SCFD2: variants seen among roughly 807,000 people sequenced by gnomAD.
SCFD2 encodes the protein sec1 family domain-containing protein 2.
SCFD2 carries 54 observed loss-of-function variants against 58.9 expected under a neutral mutation model. The observed-to-expected ratio is 0.92, with a 90% CI of 0.74 to 1.15. The LOEUF (loss-of-function observed/expected upper bound fraction) is 1.15. Among genes scored for constraint, SCFD2 ranks in the 50% most tolerant of loss-of-function variants. The pLI is 0.00. For missense variants in SCFD2, 805 were observed against 836.6 expected, an observed-to-expected ratio of 0.96 and a Z score of 0.47; for synonymous variants, 321 against 335.9, an observed-to-expected ratio of 0.96 and a Z score of 0.49.
chr4:53,158,024 G>GA (rs1726741143), intron 4 of SCFD2, among the ~76,000 whole-genome samples: 1 of 152,192 alleles, frequency 6.6e-6, no homozygotes, highest in Non-Finnish European at 1.5e-5. Flanking sequence ...CTTCCAGGTT[G>GA]ATGTCAATGC....
chr4:52,952,462 C>A (rs926841903), intron 5 of SCFD2, among the ~76,000 whole-genome samples: 1 of 152,102 alleles, frequency 6.6e-6, no homozygotes, highest in Non-Finnish European at 1.5e-5. Flanking sequence ...AGGCTGACAG[C>A]TCCTGAGAGA....
chr4:53,180,124 T>C (rs1021436298), intron 4 of SCFD2, among the ~76,000 whole-genome samples: 14 of 152,300 alleles, frequency 9.2e-5, no homozygotes, highest in African/African-American at 3.4e-4. Flanking sequence ...TACCCAGGAA[T>C]TGAACTCAGC....
chr4:53,361,453 A>G (rs1325354898), intron 1 of SCFD2, among the ~76,000 whole-genome samples: 3 of 152,210 alleles, frequency 2.0e-5, no homozygotes, highest in African/African-American at 7.2e-5. Context: ...CTGGAGTGCA[A>G]TGGCACGATC....
chr4:53,210,134 C>G (rs987106970), intron 4 of SCFD2, among the ~76,000 whole-genome samples: 19 of 152,052 alleles, frequency 1.2e-4, no homozygotes, highest in Admixed American at 5.2e-4. Flanking sequence ...AAAGAACCCT[C>G]CCATAATAGA....
At chr4:53,307,871 G>C (rs1313273420) in intron 3 of SCFD2, among the ~76,000 whole-genome samples, 2 of 152,088 alleles carry the variant, frequency 1.3e-5, no homozygotes, top group Non-Finnish European at 2.9e-5. Context: ...CTGTTGGCAA[G>C]ATACTCACAA....
chr4:53,247,435 C>T (rs1376568972), intron 4 of SCFD2, among the ~76,000 whole-genome samples: 2 of 152,168 alleles, frequency 1.3e-5, no homozygotes, highest in South Asian at 2.1e-4. Context: ...AAAACACATG[C>T]ACATGTATGT....
At chr4:53,033,957 A>G (rs1722689930) in intron 5 of SCFD2, among the ~76,000 whole-genome samples, 1 of 152,194 alleles carries the variant, frequency 6.6e-6, no homozygotes, top group Non-Finnish European at 1.5e-5. Flanking sequence ...TCCCTAACTC[A>G]TTTTATGAGG....
intron 4 of SCFD2, among the ~76,000 whole-genome samples, chr4:53,249,545 CA>C (rs1161502900): frequency 1.3e-5 from 2 of 152,142 alleles, no homozygotes; most frequent in African/African-American, 2.4e-5. Flanking sequence ...ATGTTAAGGG[CA>C]GCCAGAGAGA....
intron 7 of SCFD2, among the ~76,000 whole-genome samples, chr4:52,907,186 T>C (rs1719366347): frequency 6.6e-6 from 1 of 152,234 alleles, no homozygotes; most frequent in Admixed American, 6.5e-5. Context: ...GAGTTTTCAA[T>C]AGTGCTGTCC....
chr4:53,166,197 T>C lies in SCFD2; in HGVS notation c.1312-20615A>G, dbSNP rs1230682606. On this transcript the variant is annotated intron_variant, in intron 4 of 8. Coordinates refer to ENST00000401642, the MANE Select transcript of SCFD2 (RefSeq NM_152540.4). Reference sequence around the variant, plus strand: ...TGTCAATGAATATTTAAATTGTCTCTACTTTTCAGATATCGTGAATAATGC... The same window carrying C: ...TGTCAATGAATATTTAAATTGTCTCCACTTTTCAGATATCGTGAATAATGC... Among the ~76,000 whole-genome samples, 8 of 152,258 alleles carry C rather than the reference T, an allele frequency of 5.3e-5. No homozygotes were observed. The East Asian group carries it at 1.3e-3, about 26-fold the overall frequency.
At chr4:53,058,178 T>C (rs748561877) in intron 5 of SCFD2, among the ~76,000 whole-genome samples, 4 of 152,200 alleles carry the variant, frequency 2.6e-5, no homozygotes, top group Non-Finnish European at 5.9e-5. Flanking sequence ...GCAGAGGTGA[T>C]AATTTTATTA....
At chr4:53,111,188 G>C (rs1725162861) in intron 5 of SCFD2, among the ~76,000 whole-genome samples, 1 of 152,116 alleles carries the variant, frequency 6.6e-6, no homozygotes, top group Non-Finnish European at 1.5e-5. Flanking sequence ...GCCTACTGGT[G>C]GGTGGGGGAC....
At chr4:53,236,820 A>T (rs1373741742) in intron 4 of SCFD2, among the ~76,000 whole-genome samples, 3 of 130,184 alleles carry the variant, frequency 2.3e-5, no homozygotes, top group Admixed American at 8.2e-5. Context: ...TTATTTATTT[A>T]TTTATTTATT....
chr4:52,999,870 G>T (rs1399561351), intron 5 of SCFD2, among the ~76,000 whole-genome samples: 3 of 152,218 alleles, frequency 2.0e-5, no homozygotes, highest in African/African-American at 7.2e-5. Flanking sequence ...TGTCCTCTCT[G>T]ATCCTCCTGG....
At chr4:53,159,247 AC>A (rs36024974) in intron 4 of SCFD2, among the ~76,000 whole-genome samples, 1 of 152,200 alleles carries the variant, frequency 6.6e-6, no homozygotes, top group African/African-American at 2.4e-5. Context: ...CCTCCTAATT[AC>A]CCTGTAATAT....
At chr4:52,906,373 G>A (rs985736616) in intron 7 of SCFD2, among the ~76,000 whole-genome samples, 10 of 152,232 alleles carry the variant, frequency 6.6e-5, no homozygotes, top group Admixed American at 4.6e-4. Flanking sequence ...GTTGGAAACC[G>A]TGTCTAGTCT....
chr4:53,299,254 C>T (rs1732174697), intron 3 of SCFD2, among the ~76,000 whole-genome samples: 1 of 152,086 alleles, frequency 6.6e-6, no homozygotes, highest in African/African-American at 2.4e-5. Flanking sequence ...CCTTAAAGGA[C>T]CTGATGGAGC....
intron 8 of SCFD2, among the ~76,000 whole-genome samples, chr4:52,878,726 C>A (rs1263172028): frequency 1.3e-5 from 2 of 152,184 alleles, no homozygotes; most frequent in Non-Finnish European, 2.9e-5. Flanking sequence ...TGATAGTGGA[C>A]AAATTAAGCA....
At chr4:53,047,638 G>A (rs149525664) in intron 5 of SCFD2, among the ~76,000 whole-genome samples, 6 of 152,182 alleles carry the variant, frequency 3.9e-5, no homozygotes, top group East Asian at 1.9e-4. Flanking sequence ...ATGTTACACC[G>A]TCTTACGATT....
Sources: allele counts gnomAD v4.1 joint callset (sites outside exome capture counted in the v4.1 genomes callset), GRCh38; gene constraint gnomAD v4.1.1; transcripts MANE v1.5; gene names NCBI Gene and HGNC (gene_info 2026-07-23, HGNC 2026-07-21).